Variants in ZNF385D observed in about 807,000 individuals in gnomAD.
The protein encoded by ZNF385D is zinc finger protein 659.
In ZNF385D, 15 loss-of-function variants were observed where a neutral mutation model predicts 35.8. The observed-to-expected ratio is 0.42, with a 90% CI of 0.28 to 0.64. The LOEUF is 0.64. Ranked by LOEUF, ZNF385D falls within the 30% of genes least tolerant of loss-of-function variation. The pLI is 0.23. For synonymous variants in ZNF385D, 212 were observed against 186.8 expected (o/e 1.13, Z -1.10); for missense variants, 474 against 494.6 (o/e 0.96, Z 0.39).
chr3:22,192,430 A>C (rs1696122491), intron 2 of ZNF385D, among the ~76,000 whole-genome samples: 1 of 152,174 alleles, frequency 6.6e-6, no homozygotes, highest in South Asian at 2.1e-4. Context: ...AACAGGGCTA[A>C]CATATGTAAC....
chr3:21,651,246 C>T (rs2065903573), intron 2 of ZNF385D, among the ~76,000 whole-genome samples: 1 of 129,484 alleles, frequency 7.7e-6, no homozygotes. Flanking sequence ...CAAGATCGTG[C>T]CACCGCACTC....
chr3:21,942,913 A>T (rs2125278400), intron 3 of ZNF385D, among the ~76,000 whole-genome samples: 1 of 152,316 alleles, frequency 6.6e-6, no homozygotes, highest in Non-Finnish European at 1.5e-5. Context: ...CATCAGTCTT[A>T]TTTTAAAGTT....
chr3:22,095,088 C>CT (rs10663641), intron 3 of ZNF385D, among the ~76,000 whole-genome samples: 61,486 of 121,774 alleles, frequency 0.5, 16,238 homozygotes, highest in Middle Eastern at 0.59. Flanking sequence ...TTCATTCTTT[C>CT]TTTTTTTTTT....
intron 4 of ZNF385D, among the ~76,000 whole-genome samples, chr3:21,496,414 G>GAT (rs1028072338): frequency 1.4e-5 from 2 of 138,322 alleles, no homozygotes; most frequent in African/African-American, 2.7e-5. Flanking sequence ...ACATATATTT[G>GAT]ATATATATAT....
chr3:22,326,416 G>A (rs1694681377), intron 2 of ZNF385D, among the ~76,000 whole-genome samples: 1 of 152,168 alleles, frequency 6.6e-6, no homozygotes, highest in African/African-American at 2.4e-5. Flanking sequence ...CAGGGGTCTA[G>A]CCTATCTTCC....
At chr3:21,770,634 G>C (rs955692538) in intron 3 of ZNF385D, among the ~76,000 whole-genome samples, 4 of 152,176 alleles carry the variant, frequency 2.6e-5, no homozygotes, top group Non-Finnish European at 4.4e-5. Context: ...CTTTTACACT[G>C]TTGGTGGGAC....
intron 3 of ZNF385D, among the ~76,000 whole-genome samples, chr3:21,947,161 A>G (rs1701831295): frequency 6.6e-6 from 1 of 152,180 alleles, no homozygotes; most frequent in Non-Finnish European, 1.5e-5. Flanking sequence ...CCACTTGGAT[A>G]TAAGGAACAC....
intron 3 of ZNF385D, among the ~76,000 whole-genome samples, chr3:21,950,244 C>G (rs1441963964): frequency 6.6e-6 from 1 of 151,784 alleles, no homozygotes; most frequent in Non-Finnish European, 1.5e-5. Context: ...TTAATGATCA[C>G]CATTCTAACT....
chr3:22,314,628 G>A (rs1199327250), intron 2 of ZNF385D, among the ~76,000 whole-genome samples: 1 of 152,048 alleles, frequency 6.6e-6, no homozygotes, highest in Non-Finnish European at 1.5e-5. Flanking sequence ...GTTGCACTCT[G>A]GCAGCCTGCA....
intron 3 of ZNF385D, among the ~76,000 whole-genome samples, chr3:22,074,963 G>A (rs1482045207): frequency 6.6e-6 from 1 of 151,774 alleles, no homozygotes; most frequent in Non-Finnish European, 1.5e-5. Context: ...GAAAAGGGGG[G>A]TGCTTCTGAG....
intron 3 of ZNF385D, among the ~76,000 whole-genome samples, chr3:21,800,881 CTA>C (rs1222135293): frequency 6.6e-6 from 1 of 151,922 alleles, no homozygotes; most frequent in Non-Finnish European, 1.5e-5. Flanking sequence ...TGCCTAATTG[CTA>C]TGTCTAGAAC....
At chr3:21,981,301 C>A (rs912980420) in intron 3 of ZNF385D, among the ~76,000 whole-genome samples, 31 of 152,132 alleles carry the variant, frequency 2.0e-4, no homozygotes, top group African/African-American at 7.5e-4. Context: ...TTTTGATTTG[C>A]ATTTCTCTAA....
At chr3:21,664,811 C>T (rs1011273799) in intron 2 of ZNF385D, 75 bp downstream of exon 2, 120 of 1,597,336 alleles carry the variant, frequency 7.5e-5, no homozygotes, top group African/African-American at 6.7e-5. Flanking sequence ...AGGCAGTGGC[C>T]GAACCAACCC....
At chr3:21,989,676 TAATA>T (rs1477359154) in intron 3 of ZNF385D, among the ~76,000 whole-genome samples, 2 of 136,310 alleles carry the variant, frequency 1.5e-5, no homozygotes, top group African/African-American at 3.1e-5. Flanking sequence ...TCCACAATAA[TAATA>T]AAAAAAAAAG....
intron 2 of ZNF385D, among the ~76,000 whole-genome samples, chr3:22,250,610 G>A (rs1484183822): frequency 6.6e-6 from 1 of 152,194 alleles, no homozygotes; most frequent in Middle Eastern, 3.4e-3. Context: ...CTGGGACCCT[G>A]ATTCAAAAGT....
At chr3:22,239,662 T>G (rs1699379908) in intron 2 of ZNF385D, among the ~76,000 whole-genome samples, 1 of 151,110 alleles carries the variant, frequency 6.6e-6, no homozygotes, top group African/African-American at 2.5e-5. Flanking sequence ...ATTTTTCAAA[T>G]TACATTTTAA....
At chr3:21,913,284 T>A (rs1700051920) in intron 3 of ZNF385D, among the ~76,000 whole-genome samples, 1 of 152,132 alleles carries the variant, frequency 6.6e-6, no homozygotes. Flanking sequence ...TAATTTCACC[T>A]GCAGAGTAGA....
At chr3:21,446,039 G>C (rs382519) in intron 4 of ZNF385D, among the ~76,000 whole-genome samples, 98,216 of 152,068 alleles carry the variant, frequency 0.65, 32,020 homozygotes, top group African/African-American at 0.72. Context: ...GTATGCGTCA[G>C]AATCACCCAA....
chr3:22,171,020 G>C (rs1347358571), intron 2 of ZNF385D, among the ~76,000 whole-genome samples: 2 of 152,160 alleles, frequency 1.3e-5, no homozygotes, highest in African/African-American at 2.4e-5. Context: ...AAAAGTATTA[G>C]AATTATTTCA....
Sources: gnomAD v4.1 joint callset for allele counts (sites outside exome capture counted in the v4.1 genomes callset) on GRCh38, gnomAD v4.1.1 for gene constraint, MANE v1.5 for transcripts, NCBI Gene and HGNC (gene_info 2026-07-23, HGNC 2026-07-21) for gene names.